The following MGAT5 variants were observed in gnomAD, a reference collection of about 807,000 sequenced individuals.
MGAT5 encodes alpha-1,6-mannosylglycoprotein 6-beta-N-acetylglucosaminyltransferase.
A neutral mutation model predicts 94.3 loss-of-function variants in MGAT5; 30 were observed. The ratio of observed to expected loss-of-function variants is 0.32; its 90% CI spans 0.24 to 0.43. The LOEUF (loss-of-function observed/expected upper bound fraction) is 0.43, where lower values mean the gene tolerates loss of function less well. Ranked by LOEUF, MGAT5 falls within the 20% of genes least tolerant of loss-of-function variation. The pLI is 1.00. For missense variants in MGAT5, 691 were observed against 905.5 expected (o/e 0.76, Z 3.04); for synonymous variants, 310 against 322.9 (o/e 0.96, Z 0.43).
intron 2 of MGAT5, among the ~76,000 whole-genome samples, chr2:134,302,380 A>C (rs1185145671): frequency 6.6e-6 from 1 of 152,172 alleles, no homozygotes. Flanking sequence ...AAAGGCCTTA[A>C]ATCTCACTAT....
At chr2:134,227,973 C>T (rs188246459) in intron 1 of MGAT5, among the ~76,000 whole-genome samples, 3 of 152,090 alleles carry the variant, frequency 2.0e-5, no homozygotes, top group African/African-American at 4.8e-5. Context: ...TTTAAATACT[C>T]GAGACAGTGA....
chr2:134,362,561 G>C (rs770225145), intron 10 of MGAT5, among the ~76,000 whole-genome samples, 153 bp downstream of exon 10: 1 of 152,212 alleles, frequency 6.6e-6, no homozygotes, highest in Admixed American at 6.5e-5. Flanking sequence ...CAGTTGCTCA[G>C]CATTTGGGTT....
At chr2:134,411,549 AG>A (rs1683659697) in intron 11 of MGAT5, among the ~76,000 whole-genome samples, 1 of 152,218 alleles carries the variant, frequency 6.6e-6, no homozygotes. Context: ...AGAAAACCTG[AG>A]ATGTTAGTGC....
intron 1 of MGAT5, among the ~76,000 whole-genome samples, chr2:134,222,568 G>T (rs1405514244): frequency 2.6e-5 from 4 of 152,280 alleles, no homozygotes; most frequent in African/African-American, 9.6e-5. Flanking sequence ...AAAGTGCCTG[G>T]TCCTTGGTGT....
At chr2:134,442,403 C>T (rs1228058871) in intron 15 of MGAT5, among the ~76,000 whole-genome samples, 1 of 152,070 alleles carries the variant, frequency 6.6e-6, no homozygotes, top group East Asian at 1.9e-4. Flanking sequence ...GAGAAGGAGC[C>T]GGCACAAAAC....
At chr2:134,314,462 C>T (rs7603068) in intron 2 of MGAT5, among the ~76,000 whole-genome samples, 7,676 of 152,212 alleles carry the variant, frequency 0.05, 477 homozygotes, top group African/African-American at 0.13. Context: ...TATGTTTATT[C>T]AGTCAGATGG....
At chr2:134,447,595 C>T (rs1306062086) in intron 15 of MGAT5, among the ~76,000 whole-genome samples, 2 of 152,250 alleles carry the variant, frequency 1.3e-5, no homozygotes, top group East Asian at 1.9e-4. Flanking sequence ...ACACCACTTT[C>T]TCTGATATCA....
intron 7 of MGAT5, among the ~76,000 whole-genome samples, chr2:134,344,662 G>A (rs72978192): frequency 0.018 from 2,670 of 152,200 alleles, 83 homozygotes; most frequent in African/African-American, 0.062. Flanking sequence ...GCTACATAGT[G>A]GTGATGGAGT....
chr2:134,151,959 C>G (rs1366934007), intron 1 of MGAT5, among the ~76,000 whole-genome samples: 1 of 120,844 alleles, frequency 8.3e-6, no homozygotes, highest in Non-Finnish European at 2.0e-5. Context: ...CTCACTCACT[C>G]AAGCCCTATG....
At chr2:134,123,449 CCT>C (rs1685707322) in intron 1 of MGAT5, among the ~76,000 whole-genome samples, 1 of 152,180 alleles carries the variant, frequency 6.6e-6, no homozygotes. Context: ...AAGTTTATGT[CCT>C]CTCCTTCCCA....
chr2:134,223,557 G>T (rs1479373311), intron 1 of MGAT5, among the ~76,000 whole-genome samples: 1 of 152,014 alleles, frequency 6.6e-6, no homozygotes, highest in Non-Finnish European at 1.5e-5. Context: ...ATTATAATCT[G>T]CTACTTTCTA....
intron 10 of MGAT5, among the ~76,000 whole-genome samples, chr2:134,381,521 A>C (rs1681618251): frequency 1.0e-5 from 1 of 99,348 alleles, no homozygotes; most frequent in Non-Finnish European, 2.1e-5. Context: ...CCAGACAGAC[A>C]GACAGACAGA....
At chr2:134,181,270 G>A (rs1688719516) in intron 1 of MGAT5, among the ~76,000 whole-genome samples, 1 of 152,144 alleles carries the variant, frequency 6.6e-6, no homozygotes, top group Admixed American at 6.5e-5. Flanking sequence ...ACAATGCACA[G>A]GACGGTCCCC....
intron 9 of MGAT5, among the ~76,000 whole-genome samples, chr2:134,361,307 C>G (rs1030789791): frequency 6.6e-6 from 1 of 152,196 alleles, no homozygotes; most frequent in African/African-American, 2.4e-5. Flanking sequence ...CTGTTCTATT[C>G]AGGTCAGAGC....
intron 7 of MGAT5, among the ~76,000 whole-genome samples, chr2:134,342,608 C>T (rs796500870): frequency 2.0e-5 from 3 of 151,638 alleles, no homozygotes; most frequent in Admixed American, 6.6e-5. Flanking sequence ...AAGAATTAAC[C>T]GGGTGTGGTG....
At chr2:134,252,992 T>C (rs749913952), upstream of MGAT5, 4 of 152,194 alleles carry the variant, frequency 2.6e-5, no homozygotes, top group Non-Finnish European at 4.4e-5. Context: ...CTTCTTACCA[T>C]ATAGAACTTC....
intron 1 of MGAT5, among the ~76,000 whole-genome samples, chr2:134,182,143 T>G (rs1688763122): frequency 6.6e-6 from 1 of 152,222 alleles, no homozygotes; most frequent in Non-Finnish European, 1.5e-5. Flanking sequence ...AAATTGACAC[T>G]CTTTCTAAAT....
chr2:134,427,570 G>A (rs1172941757), intron 13 of MGAT5, among the ~76,000 whole-genome samples: 3 of 152,040 alleles, frequency 2.0e-5, no homozygotes, highest in Non-Finnish European at 2.9e-5. Context: ...TTTCCACCTC[G>A]TCTCACCAGT....
At chr2:134,188,973 A>G (rs1194973272) in intron 1 of MGAT5, among the ~76,000 whole-genome samples, 1 of 152,212 alleles carries the variant, frequency 6.6e-6, no homozygotes, top group East Asian at 1.9e-4. Context: ...GGTCAGTCAA[A>G]TGAAGAGACA....
Sources: gnomAD v4.1 joint callset for allele counts (sites outside exome capture counted in the v4.1 genomes callset) on GRCh38, gnomAD v4.1.1 for gene constraint, MANE v1.5 for transcripts, NCBI Gene and HGNC (gene_info 2026-07-23, HGNC 2026-07-21) for gene names.